Variants in PEX1 observed in about 807,000 individuals in gnomAD.
The protein encoded by PEX1 is peroxisomal ATPase PEX1.
A neutral mutation model predicts 152.5 loss-of-function variants in PEX1; 97 were observed. The observed-to-expected ratio is 0.64, with a 90% CI of 0.54 to 0.75. PEX1 has a LOEUF of 0.75. PEX1 is among the 30% of genes least tolerant of loss of function. The pLI is 0.00. For missense variants in PEX1, 1,357 were observed against 1,516.3 expected, an observed-to-expected ratio of 0.89 and a Z score of 1.74; for synonymous variants, 485 against 531.6, an observed-to-expected ratio of 0.91 and a Z score of 1.21.
At chr7:92,525,423 G>A (rs1186259504) in intron 1 of PEX1, among the ~76,000 whole-genome samples, 2 of 152,184 alleles carry the variant, frequency 1.3e-5, no homozygotes, top group African/African-American at 2.4e-5. Flanking sequence ...ATTTAGGTTC[G>A]TTTGCATTCA....
rs753349772 is a variant in PEX1, at chr7:92,494,580, T to C, written c.2833A>G (p.Ile945Val). ...TTATCATGACCCCGCCGAGGAGCAA[T>C]GGATTCAAATTCATCAAAGAAAAGA... is the stretch of plus-strand genomic sequence containing the variant. ...CILFFDEFES[I>V]APRRGHDNTG... Residue 945 changes from isoleucine to valine, a missense_variant, in exon 18 of 24, where the codon ATT becomes GTT. Transcript: ENST00000248633. 6.2e-6 allele frequency: 10 copies of C among 1,613,926 alleles called. No homozygotes were observed. Among genetic ancestry groups the C allele is most frequent in the Non-Finnish European group, 8.5e-6 (10 of 1,179,938 alleles).
Position 92,489,874 on chromosome 7 carries a change from T to C in PEX1, c.3476A>G (p.Gln1159Arg). The C allele has an allele frequency of 6.2e-7, 1 of 1,614,062 alleles. No individual in the cohort carries two copies. Reference sequence around the variant, plus strand: ...TTTCCCAGGAACTCCAGGCAAATCCTGAGTCATGGAGCTTGGTGCAGAGAG... The same window carrying C: ...TTTCCCAGGAACTCCAGGCAAATCCCGAGTCATGGAGCTTGGTGCAGAGAG... ...QCLSAPSSMT[Q>R]DLPGVPGKDQ... is the part of the protein sequence containing the mutation. The change falls in exon 22 of 24, where the codon CAG becomes CGG. Residue 1159 changes from glutamine to arginine, a missense_variant. Transcript: ENST00000248633.
intron 16 of PEX1, among the ~76,000 whole-genome samples, chr7:92,497,445 G>GA (rs1791705564): frequency 7.1e-6 from 1 of 141,332 alleles, no homozygotes; most frequent in Non-Finnish European, 1.5e-5. Context: ...GAACATGTGG[G>GA]AAAAGGCCAA....
chr7:92,498,604 G>C (rs569079581), intron 16 of PEX1, among the ~76,000 whole-genome samples: 1 of 152,288 alleles, frequency 6.6e-6, no homozygotes, highest in East Asian at 1.9e-4. Flanking sequence ...ATTGCCCTTT[G>C]TTAAACTAAT....
intron 22 of PEX1, 88 bp downstream of exon 22, chr7:92,489,626 C>T (rs1791163299): frequency 9.0e-6 from 11 of 1,225,248 alleles, no homozygotes; most frequent in South Asian, 1.3e-5. Flanking sequence ...AAATATAGCT[C>T]GTTTATAAGT....
chr7:92,493,919 A>G (rs1791500069), intron 19 of PEX1: 4 of 271,576 alleles, frequency 1.5e-5, no homozygotes, highest in African/African-American at 2.2e-5. Flanking sequence ...AATTATCTCT[A>G]TGAAACCTGC....
intron 11 of PEX1, 151 bp downstream of exon 11, chr7:92,506,097 A>G: frequency 1.9e-6 from 1 of 528,574 alleles, no homozygotes. Context: ...CAAAAACATT[A>G]GAAAGCCAAA....
In PEX1 at chr7:92,509,320, A is replaced by C. The variant is rs1166974310; in HGVS notation, c.1670+9T>G. 6.3e-7 allele frequency: 1 copy of C among 1,599,530 alleles called. No individual in the cohort carries two copies. The highest frequency in any genetic ancestry group is 1.1e-5 in the South Asian group (1 of 90,788). ...TGTCTAACATGCTAGTTTGGCCATAACTTCTTACCCCAAAGAGCTCAGCTT... is the reference window on the plus strand; with the variant it reads ...TGTCTAACATGCTAGTTTGGCCATACCTTCTTACCCCAAAGAGCTCAGCTT... On this transcript the variant is annotated intron_variant, in intron 9 of 23. Transcript: ENST00000248633.
In PEX1 at chr7:92,487,314, T is replaced by C. The variant is rs1342636777; in HGVS notation, c.*143A>G. 3.5e-6 allele frequency: 2 copies of C among 570,286 alleles called. No homozygotes were observed. Among genetic ancestry groups the C allele is most frequent in the Non-Finnish European group, 6.2e-6 (2 of 321,882 alleles). 35.3% of individuals were successfully genotyped at this position (570,286 alleles called of 1,614,324 possible). On this transcript the variant is annotated 3_prime_UTR_variant, in exon 24 of 24. Transcript: ENST00000248633. The stretch of plus-strand genomic sequence containing the variant: ...CTCAATCCTGATCATTACATAATTA[T>C]AGCATTTACCAATCTGTGATTTTAT...
At chr7:92,513,690 G>A (rs1352543846) in intron 6 of PEX1, among the ~76,000 whole-genome samples, 158 bp downstream of exon 6, 1 of 152,028 alleles carries the variant, frequency 6.6e-6, no homozygotes, top group Non-Finnish European at 1.5e-5. Flanking sequence ...ACTTAAAAAT[G>A]GCGAACATGG....
chr7:92,494,394 C>A lies in PEX1; in HGVS notation c.2929G>T (p.Val977Phe). ...QLDGVEGLQG[V>F]YVLAATSRPD... is the part of the protein sequence containing the mutation. ...CGACTAGTAGCAGCCAATACATAAA[C>A]ACCTAGAGGAAAAAAGAACATTTTT... The change falls in exon 19 of 24, where the codon GTT (valine) becomes TTT (phenylalanine). Residue 977 changes from valine to phenylalanine, a missense_variant and splice_region_variant. By Grantham distance (50) the Val-to-Phe change is conservative. Transcript: ENST00000248633. 6.2e-7 allele frequency: 1 copy of A among 1,613,800 alleles called. No individual in the cohort carries two copies. The highest frequency in any genetic ancestry group is 8.5e-7 in the Non-Finnish European group (1 of 1,179,768).
chr7:92,506,916 A>T, intron 10 of PEX1, 78 bp downstream of exon 10: 1 of 1,462,906 alleles, frequency 6.8e-7, no homozygotes, highest in South Asian at 1.1e-5. Context: ...CCTATATAAT[A>T]GATGGTCAAA....
In PEX1 at chr7:92,493,009, G is replaced by T. The variant is rs138992611; in HGVS notation, c.3151C>A (p.Leu1051Ile). Residue 1051 changes from leucine (L) to isoleucine (I), a missense_variant, in exon 20 of 24, where the codon CTT (leucine) becomes ATT (isoleucine). Physicochemically the swap from Leu to Ile is conservative, Grantham distance 5. Transcript: ENST00000248633. ...SFTGADLKALLYNAQLEALHG... is the reference protein window; with the variant it reads ...SFTGADLKALIYNAQLEALHG... ...AAGGCCTCCAATTGGGCATTGTAAA[G>T]TAAAGCTTTCAGATCAGCTCCAGTA... is the stretch of plus-strand genomic sequence containing the variant. The T allele has an allele frequency of 9.9e-6, 16 of 1,613,684 alleles. No homozygotes were observed. The highest frequency in any genetic ancestry group is 1.3e-5 in the African/African-American group (1 of 74,888).
At chr7:92,514,594 T>C (rs551327758) in intron 5 of PEX1, among the ~76,000 whole-genome samples, 1 of 152,146 alleles carries the variant, frequency 6.6e-6, no homozygotes, top group Non-Finnish European at 1.5e-5. Flanking sequence ...TCACAGACAA[T>C]CTGCCTGATT....
At chr7:92,501,856 G>C in intron 14 of PEX1, 34 bp downstream of exon 14, 1 of 1,556,316 alleles carries the variant, frequency 6.4e-7, no homozygotes, top group Non-Finnish European at 8.9e-7. Flanking sequence ...ATAGAAAGAA[G>C]ATTCCAAGTT....
chr7:92,497,745 G>T (rs1791720875), intron 16 of PEX1, among the ~76,000 whole-genome samples: 1 of 152,200 alleles, frequency 6.6e-6, no homozygotes, highest in African/African-American at 2.4e-5. Flanking sequence ...TACAGTCAGA[G>T]AACTATAGGA....
rs548374367 is a variant in PEX1, at chr7:92,499,253, T to C, written c.2718+451A>G. Reference sequence around the variant, plus strand: ...AATGAAAACATATCCGTGGAGAAATTTGTGCATGAATATTTACAGCAACAT... The same window carrying C: ...AATGAAAACATATCCGTGGAGAAATCTGTGCATGAATATTTACAGCAACAT... On this transcript the variant is annotated intron_variant, in intron 16 of 23. Coordinates refer to ENST00000248633, the MANE Select transcript of PEX1 (RefSeq NM_000466.3). 2.6e-5 allele frequency among the ~76,000 whole-genome samples: 4 copies of C among 152,308 alleles called. No homozygotes were observed. The South Asian group carries it at 6.2e-4, about 24-fold the overall frequency.
At chr7:92,497,146 T>C (rs1458660814) in intron 16 of PEX1, among the ~76,000 whole-genome samples, 2 of 152,190 alleles carry the variant, frequency 1.3e-5, no homozygotes, top group Non-Finnish European at 2.9e-5. Context: ...CATCTGACAG[T>C]GAATTATATA....
At chr7:92,491,148 T>C in intron 21 of PEX1, 124 bp downstream of exon 21, 1 of 693,522 alleles carries the variant, frequency 1.4e-6, no homozygotes, top group African/African-American at 1.8e-5. Flanking sequence ...ACAAGACTAT[T>C]TTACTGAAGA....
Sources: gnomAD v4.1 joint callset for allele counts (sites outside exome capture counted in the v4.1 genomes callset) on GRCh38, gnomAD v4.1.1 for gene constraint, MANE v1.5 for transcripts, NCBI Gene and HGNC (gene_info 2026-07-23, HGNC 2026-07-21) for gene names.